Variants in TTC17 observed in about 807,000 individuals in gnomAD.
The protein encoded by TTC17 is tetratricopeptide repeat protein 17.
TTC17 carries 58 observed loss-of-function variants against 143.8 expected under a neutral mutation model. The ratio of observed to expected loss-of-function variants is 0.40; its 90% CI spans 0.33 to 0.50. The LOEUF (loss-of-function observed/expected upper bound fraction) is 0.50. Among genes scored for constraint, TTC17 ranks in the 20% least tolerant of loss-of-function variants. The pLI is 0.49. For synonymous variants in TTC17, 501 were observed against 497.8 expected, an observed-to-expected ratio of 1.01 and a Z score of -0.09; for missense variants, 1,273 against 1,392.5, an observed-to-expected ratio of 0.91 and a Z score of 1.37.
At chr11:43,454,315 G>A (rs1354596501) in intron 21 of TTC17, among the ~76,000 whole-genome samples, 1 of 151,770 alleles carries the variant, frequency 6.6e-6, no homozygotes, top group African/African-American at 2.4e-5. Context: ...ATGAAGGAAG[G>A]GAGAGTAATG....
chr11:43,379,639 C>T (rs1238572592), intron 2 of TTC17, among the ~76,000 whole-genome samples: 1 of 152,084 alleles, frequency 6.6e-6, no homozygotes, highest in Non-Finnish European at 1.5e-5. Context: ...ATGATATAAT[C>T]TCTGAAGATA....
At chr11:43,484,740 G>C (rs1948350413) in intron 21 of TTC17, among the ~76,000 whole-genome samples, 1 of 152,166 alleles carries the variant, frequency 6.6e-6, no homozygotes, top group Non-Finnish European at 1.5e-5. Flanking sequence ...TGGCTAGGAA[G>C]ACTAAATAGG....
chr11:43,462,918 A>ATTTTTTTTTTTTTTTTTTTTTTTTTTTTT (rs1369564202), intron 21 of TTC17, among the ~76,000 whole-genome samples: 6 of 95,316 alleles, frequency 6.3e-5, no homozygotes, highest in African/African-American at 1.4e-4. Context: ...CAGTGACAAA[A>ATTTTTTTTTTTTTTTTTTTTTTTTTTTTT]TTCTTTTTTT....
rs997621511 is a variant in TTC17 at position 43,431,408 on chromosome 11, A to G, written c.2252-11917A>G. On this transcript the variant is annotated intron_variant, in intron 16 of 23. Coordinates refer to ENST00000039989, the MANE Select transcript of TTC17 (RefSeq NM_018259.6). The stretch of plus-strand genomic sequence containing the variant: ...CCACCAACAGTGTAAAAGCGTTCCT[A>G]TTTCTCCACATCCTCTCCAGCATCT... Among the ~76,000 whole-genome samples, 15 of 152,098 alleles carry G rather than the reference A, an allele frequency of 9.9e-5. No homozygotes were observed. The South Asian group carries it at 1.0e-3, about 11-fold the overall frequency.
chr11:43,390,937 G>T (rs562843705), intron 3 of TTC17, among the ~76,000 whole-genome samples: 2 of 152,246 alleles, frequency 1.3e-5, no homozygotes, highest in African/African-American at 2.4e-5. Flanking sequence ...AAAAGTCCAT[G>T]ATCTTATTCT....
rs182156147 is a variant in TTC17 at position 43,414,833 on chromosome 11, A to G, written c.2251+57A>G. ...GAGCTCAGCCAGAGTTCCTCTTCTG[A>G]TCAAAAGAACACAGAAAATGATTTT... On this transcript the variant is annotated intron_variant, in intron 16 of 23. Coordinates refer to ENST00000039989, the MANE Select transcript of TTC17 (RefSeq NM_018259.6). 661 of 1,538,698 alleles carry G rather than the reference A, an allele frequency of 4.3e-4. 1 individual carries two copies. The highest frequency in any genetic ancestry group is 9.8e-4 in the Admixed American group (47 of 47,904).
At chr11:43,473,882 C>CA (rs781437584) in intron 21 of TTC17, among the ~76,000 whole-genome samples, 952 of 60,202 alleles carry the variant, frequency 0.016, 6 homozygotes, top group African/African-American at 0.028. Context: ...GACTCTGTCT[C>CA]AAAAAAAAAA....
intron 1 of TTC17, chr11:43,359,314 G>GC (rs1242077081): frequency 1.5e-6 from 1 of 667,240 alleles, no homozygotes; most frequent in Non-Finnish European, 2.3e-6. Flanking sequence ...TCCTCGTTTG[G>GC]CCCCCTAGAA....
chr11:43,440,846 A>G (rs888405201), intron 16 of TTC17, among the ~76,000 whole-genome samples: 1 of 152,166 alleles, frequency 6.6e-6, no homozygotes, highest in Non-Finnish European at 1.5e-5. Context: ...ATTTGTTACT[A>G]TCCCCTGTAT....
Position 43,380,545 on chromosome 11 carries a change from G to A in TTC17, c.249+1223G>A, listed in dbSNP as rs575880054. ...GCTGGGATTACAGGCATGAGTCACCGTGCCCGGCCAAAAGCTGGCATACCT... is the reference window on the plus strand; with the variant it reads ...GCTGGGATTACAGGCATGAGTCACCATGCCCGGCCAAAAGCTGGCATACCT... On this transcript the variant is annotated intron_variant, in intron 2 of 23. Transcript: ENST00000039989. 2.6e-4 allele frequency among the ~76,000 whole-genome samples: 39 copies of A among 151,796 alleles called. 1 individual carries two copies. In the South Asian group the frequency reaches 6.5e-3, roughly 25 times the overall value.
chr11:43,370,238 TC>T (rs1856511244), intron 1 of TTC17: 1 of 346,714 alleles, frequency 2.9e-6, no homozygotes, highest in Admixed American at 3.7e-5. Context: ...CAACAGACTT[TC>T]TGCCTGCGTC....
At chr11:43,467,757 G>A (rs1948006053) in intron 21 of TTC17, among the ~76,000 whole-genome samples, 1 of 151,932 alleles carries the variant, frequency 6.6e-6, no homozygotes, top group East Asian at 1.9e-4. Flanking sequence ...TATCCAAACT[G>A]AAGATGAAGA....
Position 43,478,861 on chromosome 11 carries a change from C to T in TTC17, c.3031-11378C>T. On this transcript the variant is annotated intron_variant, in intron 21 of 23. Coordinates refer to ENST00000039989, the MANE Select transcript of TTC17 (RefSeq NM_018259.6). The stretch of plus-strand genomic sequence containing the variant: ...CAGACTGGTCTCAAACTCCTGGCCT[C>T]AAGCAATCCTCCCACCTTGGCTTCC... Among the ~76,000 whole-genome samples the T allele has an allele frequency of 1.3e-5, 2 of 152,212 alleles. 1 individual carries two copies. The highest frequency in any genetic ancestry group is 2.9e-5 in the Non-Finnish European group (2 of 68,032).
chr11:43,367,138 G>GA (rs1440536917), intron 1 of TTC17, among the ~76,000 whole-genome samples: 1 of 152,076 alleles, frequency 6.6e-6, no homozygotes, highest in East Asian at 1.9e-4. Context: ...GTCATCTGGG[G>GA]ACTAAGCCTA....
chr11:43,401,619 CT>C (rs1297221769), intron 10 of TTC17, 61 bp downstream of exon 10: 2 of 1,210,686 alleles, frequency 1.7e-6, no homozygotes, highest in Admixed American at 5.6e-5. Flanking sequence ...TTTTTTAAAA[CT>C]TTTGTTTTTC....
chr11:43,454,531 A>G (rs560801687), intron 21 of TTC17, among the ~76,000 whole-genome samples: 67 of 152,278 alleles, frequency 4.4e-4, no homozygotes, highest in Admixed American at 1.2e-3. Flanking sequence ...TAAAAGAACA[A>G]TATTTTCAAA....
rs559943301 is a variant in TTC17, at chr11:43,381,919, T to A, written c.249+2597T>A. Among the ~76,000 whole-genome samples, 22 of 152,288 alleles carry A rather than the reference T, an allele frequency of 1.4e-4. No individual in the cohort carries two copies. In the South Asian group the frequency reaches 4.6e-3, roughly 32 times the overall value. On this transcript the variant is annotated intron_variant, in intron 2 of 23. Transcript: ENST00000039989. Reference sequence around the variant, plus strand: ...GTACAGGATTGGGGAGGAGTTTGGCTTTGAAATGTTAACGTTTGAAATGCC... The same window carrying A: ...GTACAGGATTGGGGAGGAGTTTGGCATTGAAATGTTAACGTTTGAAATGCC...
chr11:43,423,131 T>C (rs1946946455), intron 16 of TTC17, among the ~76,000 whole-genome samples: 1 of 152,200 alleles, frequency 6.6e-6, no homozygotes, highest in Non-Finnish European at 1.5e-5. Flanking sequence ...TTCTGGTTGC[T>C]TCTCAGCAAC....
At chr11:43,419,526 A>G (rs1253042435) in intron 16 of TTC17, among the ~76,000 whole-genome samples, 2 of 152,236 alleles carry the variant, frequency 1.3e-5, no homozygotes, top group Non-Finnish European at 2.9e-5. Flanking sequence ...TTGAAGAAAA[A>G]GAAATCCTGC....
Sources: allele counts gnomAD v4.1 joint callset (sites outside exome capture counted in the v4.1 genomes callset), GRCh38; gene constraint gnomAD v4.1.1; transcripts MANE v1.5; gene names NCBI Gene and HGNC (gene_info 2026-07-23, HGNC 2026-07-21).